PCMTD1: variants seen among roughly 807,000 people sequenced by gnomAD.
PCMTD1 encodes protein-L-isoaspartate O-methyltransferase domain-containing protein 1.
A neutral mutation model predicts 37.6 loss-of-function variants in PCMTD1; 12 were observed. The ratio of observed to expected loss-of-function variants is 0.32; its 90% CI spans 0.20 to 0.52. The LOEUF is 0.52. Among genes scored for constraint, PCMTD1 ranks in the 20% least tolerant of loss-of-function variants. The probability of loss-of-function intolerance (pLI) is 0.97; values close to 1 mark genes in which losing one functional copy is unlikely to be tolerated. For synonymous variants in PCMTD1, 117 were observed against 135.8 expected (o/e 0.86, Z 0.96); for missense variants, 235 against 421.3 (o/e 0.56, Z 3.87).
chr8:51,872,074 A>T (rs2038647612), intron 1 of PCMTD1, among the ~76,000 whole-genome samples: 2 of 152,222 alleles, frequency 1.3e-5, no homozygotes, highest in Non-Finnish European at 2.9e-5. Flanking sequence ...TAGTTCTATG[A>T]CAGTTTTAGC....
chr8:51,898,319 T>TC (rs1177773638), intron 1 of PCMTD1, among the ~76,000 whole-genome samples: 2 of 151,800 alleles, frequency 1.3e-5, no homozygotes, highest in African/African-American at 2.4e-5. Context: ...TGTCTGAAAT[T>TC]CCCCAAGCAA....
chr8:51,887,553 C>G (rs988745476), intron 1 of PCMTD1, among the ~76,000 whole-genome samples: 1 of 151,854 alleles, frequency 6.6e-6, no homozygotes, highest in African/African-American at 2.4e-5. Context: ...TATGTATAAA[C>G]TAACTGAACA....
chr8:51,880,070 T>G (rs1433821810), intron 1 of PCMTD1, among the ~76,000 whole-genome samples: 3 of 151,054 alleles, frequency 2.0e-5, no homozygotes. Flanking sequence ...AGTGGTGGCA[T>G]GTACCTGAAG....
intron 5 of PCMTD1, among the ~76,000 whole-genome samples, chr8:51,824,299 C>T (rs1470748862): frequency 1.3e-5 from 2 of 152,174 alleles, no homozygotes; most frequent in Admixed American, 6.5e-5. Flanking sequence ...TAGAAAACCC[C>T]ATCGTCTCAG....
intron 2 of PCMTD1, among the ~76,000 whole-genome samples, chr8:51,853,163 C>A (rs1355915466): frequency 6.6e-6 from 1 of 152,192 alleles, no homozygotes; most frequent in Non-Finnish European, 1.5e-5. Flanking sequence ...ATAAACGTAA[C>A]ACACAGAGAT....
At chr8:51,873,439 T>C (rs2038665796) in intron 1 of PCMTD1, among the ~76,000 whole-genome samples, 1 of 152,236 alleles carries the variant, frequency 6.6e-6, no homozygotes, top group African/African-American at 2.4e-5. Flanking sequence ...TCCCTACTTT[T>C]CTGAATGAAC....
Position 51,845,643 on chromosome 8 carries a change from A to G in PCMTD1, c.410+18T>C. On this transcript the variant is annotated intron_variant, in intron 3 of 5. Coordinates refer to ENST00000522514, the MANE Select transcript of PCMTD1 (RefSeq NM_052937.4). ...TATTAAGTGATTTTAAACCAAAACT[A>G]TAGATATGAATACTTACTTATCAAA... The G allele has an allele frequency of 3.2e-6, 5 of 1,570,428 alleles. No individual in the cohort carries two copies. Among genetic ancestry groups the G allele is most frequent in the Non-Finnish European group, 4.4e-6 (5 of 1,142,304 alleles).
intron 2 of PCMTD1, among the ~76,000 whole-genome samples, chr8:51,854,605 G>A (rs1433732328): frequency 6.6e-6 from 1 of 152,190 alleles, no homozygotes; most frequent in East Asian, 1.9e-4. Flanking sequence ...TGGGCCAGGC[G>A]CAGTGGTTTA....
chr8:51,829,174 T>C (rs774662536), intron 5 of PCMTD1, among the ~76,000 whole-genome samples: 5 of 152,166 alleles, frequency 3.3e-5, no homozygotes, highest in Non-Finnish European at 5.9e-5. Flanking sequence ...TCTATGACTC[T>C]CACCAATCTG....
At chr8:51,853,054 C>A (rs1166439629) in intron 2 of PCMTD1, among the ~76,000 whole-genome samples, 1 of 152,138 alleles carries the variant, frequency 6.6e-6, no homozygotes, top group Non-Finnish European at 1.5e-5. Flanking sequence ...ATCTATGAAT[C>A]CTTTGCATGT....
chr8:51,898,703 A>C, intron 1 of PCMTD1, among the ~76,000 whole-genome samples: 3 of 145,394 alleles, frequency 2.1e-5, no homozygotes, highest in South Asian at 2.3e-4. Context: ...CGACTCCCCG[A>C]CCTCCCAAGT....
At chr8:51,886,961 C>G (rs1585857140) in intron 1 of PCMTD1, among the ~76,000 whole-genome samples, 1 of 147,678 alleles carries the variant, frequency 6.8e-6, no homozygotes, top group African/African-American at 2.5e-5. Flanking sequence ...TGTCCATCTG[C>G]TTTTTTTTTT....
chr8:51,850,903 G>C (rs1283712168), intron 2 of PCMTD1, among the ~76,000 whole-genome samples: 1 of 152,034 alleles, frequency 6.6e-6, no homozygotes, highest in East Asian at 1.9e-4. Flanking sequence ...ACAGGAATAG[G>C]TTTCACTCTT....
intron 1 of PCMTD1, among the ~76,000 whole-genome samples, chr8:51,892,537 C>T (rs1377322996): frequency 6.6e-6 from 1 of 152,206 alleles, no homozygotes; most frequent in Admixed American, 6.5e-5. Flanking sequence ...TTTATTTTCC[C>T]CTACAAGAAA....
At chr8:51,871,300 C>T (rs1178668085) in intron 1 of PCMTD1, among the ~76,000 whole-genome samples, 1 of 152,186 alleles carries the variant, frequency 6.6e-6, no homozygotes, top group East Asian at 1.9e-4. Flanking sequence ...TACATTCACA[C>T]ATAAGATGAC....
chr8:51,837,034 A>G (rs1025840082), intron 3 of PCMTD1, among the ~76,000 whole-genome samples: 2 of 152,198 alleles, frequency 1.3e-5, no homozygotes, highest in South Asian at 2.1e-4. Flanking sequence ...CAACTCTCCT[A>G]TAACTAAATG....
chr8:51,884,232 G>T (rs1254155326), intron 1 of PCMTD1, among the ~76,000 whole-genome samples: 1 of 152,168 alleles, frequency 6.6e-6, no homozygotes, highest in East Asian at 1.9e-4. Context: ...CAGAGCCACT[G>T]ATCTGAGTCA....
At chr8:51,828,725 G>C (rs1428320756) in intron 5 of PCMTD1, among the ~76,000 whole-genome samples, 6 of 152,158 alleles carry the variant, frequency 3.9e-5, no homozygotes, top group African/African-American at 1.4e-4. Flanking sequence ...AGCATCTGTA[G>C]TCTACTAAAA....
chr8:51,891,675 AAT>A (rs989394674), intron 1 of PCMTD1, among the ~76,000 whole-genome samples: 7 of 126,970 alleles, frequency 5.5e-5, no homozygotes, highest in Admixed American at 1.0e-4. Flanking sequence ...AAAAACAAAA[AAT>A]ATATATATAC....
Sources: gnomAD v4.1 joint callset for allele counts (sites outside exome capture counted in the v4.1 genomes callset) on GRCh38, gnomAD v4.1.1 for gene constraint, MANE v1.5 for transcripts, NCBI Gene and HGNC (gene_info 2026-07-23, HGNC 2026-07-21) for gene names.